The following NTM variants were observed in gnomAD, a reference collection of about 807,000 sequenced individuals.
NTM encodes neurotrimin.
In NTM, 13 loss-of-function variants were observed where a neutral mutation model predicts 42.1. The observed-to-expected ratio is 0.31, with a 90% CI of 0.20 to 0.49. The LOEUF (loss-of-function observed/expected upper bound fraction) is 0.49, where lower values mean the gene tolerates loss of function less well. Among genes scored for constraint, NTM ranks in the 20% least tolerant of loss-of-function variants. The pLI is 0.99. For synonymous variants in NTM, 187 were observed against 179.2 expected (o/e 1.04, Z -0.35); for missense variants, 373 against 452.8 (o/e 0.82, Z 1.60).
intron 1 of NTM, among the ~76,000 whole-genome samples, chr11:131,676,469 A>G (rs527707345): frequency 2.0e-5 from 3 of 152,126 alleles, no homozygotes; most frequent in Non-Finnish European, 4.4e-5. Flanking sequence ...GCCTGTGTAC[A>G]TGCGTGTGCG....
intron 1 of NTM, among the ~76,000 whole-genome samples, chr11:131,698,236 G>T (rs2075686297): frequency 6.6e-6 from 1 of 152,074 alleles, no homozygotes. Context: ...TTAGGTTCCT[G>T]CTATACCCTG....
chr11:132,333,236 C>T (rs909015765), intron 8 of NTM, among the ~76,000 whole-genome samples: 3 of 152,160 alleles, frequency 2.0e-5, no homozygotes, highest in African/African-American at 7.2e-5. Context: ...GGACTCAGAA[C>T]CACCCTTGTC....
At chr11:131,801,009 C>T (rs1194220613) in intron 1 of NTM, among the ~76,000 whole-genome samples, 2 of 152,112 alleles carry the variant, frequency 1.3e-5, no homozygotes, top group Non-Finnish European at 2.9e-5. Flanking sequence ...TCTGTTGGGA[C>T]TCTCAGAGAT....
intron 1 of NTM, among the ~76,000 whole-genome samples, chr11:131,667,652 T>C (rs1436675442): frequency 2.0e-5 from 3 of 152,198 alleles, no homozygotes; most frequent in Non-Finnish European, 2.9e-5. Context: ...GAGCAAGTGT[T>C]CAGCCTCGTG....
chr11:131,639,767 C>A (rs1341639422), intron 1 of NTM, among the ~76,000 whole-genome samples: 1 of 152,008 alleles, frequency 6.6e-6, no homozygotes, highest in Non-Finnish European at 1.5e-5. Context: ...ACCAGCCTGG[C>A]CAACATGGTG....
intron 1 of NTM, among the ~76,000 whole-genome samples, chr11:131,730,829 G>T (rs2875379): frequency 2.0e-5 from 3 of 151,914 alleles, no homozygotes; most frequent in African/African-American, 7.3e-5. Context: ...AAGGAGTTCT[G>T]TTAGAATCAA....
At chr11:131,547,901 C>A (rs2136878408) in intron 1 of NTM, among the ~76,000 whole-genome samples, 1 of 152,284 alleles carries the variant, frequency 6.6e-6, no homozygotes, top group South Asian at 2.1e-4. Context: ...TAGCACAGTG[C>A]TAGGCAGTAG....
intron 4 of NTM, among the ~76,000 whole-genome samples, chr11:132,244,902 G>T (rs2090847228): frequency 6.6e-6 from 1 of 152,210 alleles, no homozygotes; most frequent in Admixed American, 6.5e-5. Flanking sequence ...ACAGAATAAA[G>T]CCTTCATTTC....
At position 131,370,734 on chromosome 11, in the gene NTM, A is replaced by AATCTATC; in HGVS notation, c.-71_-65dup. On this transcript the variant is annotated 5_prime_UTR_variant, in exon 1 of 9. Coordinates refer to ENST00000683400, the MANE Select transcript of NTM (RefSeq NM_001352005.2). ...CCTTGCACAAGCTTGAGAGCAACAC[A>AATCTATC]ATCTATCAGGAAAGAAAGAAAGAAA... 2 of 1,292,450 alleles carry AATCTATC rather than the reference A, an allele frequency of 1.5e-6. No homozygotes were observed. The highest frequency in any genetic ancestry group is 1.1e-6 in the Non-Finnish European group (1 of 907,644). The allele number at this position is 1,292,450 out of a possible 1,614,324, so 80.1% of individuals were successfully genotyped here. A position where few individuals can be genotyped will look rare whatever the true frequency, so the allele number is the denominator to read the frequency against.
intron 1 of NTM, among the ~76,000 whole-genome samples, chr11:131,612,281 G>A (rs1170443514): frequency 1.3e-5 from 2 of 152,238 alleles, no homozygotes; most frequent in Non-Finnish European, 2.9e-5. Flanking sequence ...TGCTCAGCCA[G>A]GCTGCTGCTG....
At chr11:131,631,332 G>A (rs2246641) in intron 1 of NTM, among the ~76,000 whole-genome samples, 112,050 of 152,098 alleles carry the variant, frequency 0.74, 42,527 homozygotes, top group Non-Finnish European at 0.84. Context: ...GAAAGCACCT[G>A]AACTAAAAAA....
intron 2 of NTM, among the ~76,000 whole-genome samples, chr11:131,969,928 A>G (rs536089521): frequency 1.3e-5 from 2 of 152,218 alleles, no homozygotes; most frequent in Admixed American, 1.3e-4. Context: ...AGATCCTCCC[A>G]CCTCAGGCTG....
intron 1 of NTM, among the ~76,000 whole-genome samples, chr11:131,518,813 G>A (rs981095113): frequency 3.9e-5 from 6 of 152,176 alleles, no homozygotes; most frequent in Admixed American, 3.3e-4. Context: ...GCTACTAAAT[G>A]AGTAAGTGCT....
chr11:131,655,957 G>C (rs183584874), intron 1 of NTM, among the ~76,000 whole-genome samples: 168 of 152,318 alleles, frequency 1.1e-3, no homozygotes, highest in African/African-American at 4.0e-3. Context: ...TAGGTCCTGG[G>C]AGGACCTCCT....
chr11:131,816,969 TC>T (rs2092979060), intron 1 of NTM, among the ~76,000 whole-genome samples: 1 of 152,194 alleles, frequency 6.6e-6, no homozygotes, highest in Non-Finnish European at 1.5e-5. Flanking sequence ...TACTTAATCT[TC>T]CCTGAAATTT....
At chr11:132,252,659 G>A (rs1214393373) in intron 4 of NTM, among the ~76,000 whole-genome samples, 3 of 152,188 alleles carry the variant, frequency 2.0e-5, no homozygotes, top group Non-Finnish European at 4.4e-5. Flanking sequence ...GGTAATTATA[G>A]ATGGGAAACA....
At chr11:131,529,358 C>T (rs558331995) in intron 1 of NTM, among the ~76,000 whole-genome samples, 2 of 152,346 alleles carry the variant, frequency 1.3e-5, no homozygotes, top group African/African-American at 4.8e-5. Context: ...TTGTTGTAAA[C>T]ATGTGTACAT....
chr11:132,181,417 C>T (rs551018158), intron 3 of NTM, among the ~76,000 whole-genome samples: 14 of 152,216 alleles, frequency 9.2e-5, no homozygotes, highest in Non-Finnish European at 1.9e-4. Flanking sequence ...TACAAGTTGT[C>T]TATTGAGATT....
chr11:131,540,428 G>C (rs1485543526), intron 1 of NTM: 1 of 151,936 alleles, frequency 6.6e-6, no homozygotes, highest in East Asian at 1.9e-4. Context: ...GCCTCCTAAA[G>C]TATTGGGATT....
Sources: gnomAD v4.1 joint callset for allele counts (sites outside exome capture counted in the v4.1 genomes callset) on GRCh38, gnomAD v4.1.1 for gene constraint, MANE v1.5 for transcripts, NCBI Gene and HGNC (gene_info 2026-07-23, HGNC 2026-07-21) for gene names.